The following GNG12 variants were observed in gnomAD, a reference collection of about 807,000 sequenced individuals.
GNG12 encodes guanine nucleotide-binding protein G(I)/G(S)/G(O) subunit gamma-12.
For synonymous variants in GNG12, 28 were observed against 29.7 expected (o/e 0.94, Z 0.19); for missense variants, 69 against 83.8 (o/e 0.82, Z 0.69).
intron 1 of GNG12, among the ~76,000 whole-genome samples, chr1:67,777,714 T>C (rs1949133): frequency 0.72 from 109,850 of 152,128 alleles, 40,187 homozygotes; most frequent in African/African-American, 0.84. Context: ...TCATCTACTT[T>C]GGGGAGTGTT....
chr1:67,812,868 G>A (rs543195309), intron 1 of GNG12, among the ~76,000 whole-genome samples: 31 of 152,296 alleles, frequency 2.0e-4, no homozygotes, highest in East Asian at 7.7e-4. Flanking sequence ...ATTGCAGAAC[G>A]TTTTGCACAG....
chr1:67,758,650 T>C (rs551301565), intron 2 of GNG12, among the ~76,000 whole-genome samples: 1 of 152,202 alleles, frequency 6.6e-6, no homozygotes, highest in African/African-American at 2.4e-5. Context: ...AAAGATGAGG[T>C]TGGATACAAC....
rs1159136735 is a variant in GNG12 at position 67,719,462 on chromosome 1, T to A, written c.-26-11750A>T. ...ATGCAAAATCTGGTGTGTGTGCTTA[T>A]GTTTTGCTTTTTTTTGTTTTCCGAA... is the stretch of plus-strand genomic sequence containing the variant. On this transcript the variant is annotated intron_variant, in intron 2 of 3. Transcript: ENST00000370982. Among the ~76,000 whole-genome samples the A allele has an allele frequency of 2.6e-5, 4 of 152,216 alleles. No individual in the cohort carries two copies. The South Asian group carries it at 8.3e-4, about 32-fold the overall frequency.
chr1:67,733,419 T>C (rs563024960), intron 2 of GNG12, among the ~76,000 whole-genome samples: 7 of 152,324 alleles, frequency 4.6e-5, no homozygotes, highest in African/African-American at 1.7e-4. Flanking sequence ...CCTTTGCAAA[T>C]ATACAATCAT....
chr1:67,814,051 C>A (rs1193773894), intron 1 of GNG12, among the ~76,000 whole-genome samples: 2 of 152,132 alleles, frequency 1.3e-5, no homozygotes, highest in Non-Finnish European at 2.9e-5. Flanking sequence ...GGGATTTAAA[C>A]CCTGCCAGTC....
chr1:67,776,857 C>T (rs114658728), intron 2 of GNG12, among the ~76,000 whole-genome samples: 114 of 152,272 alleles, frequency 7.5e-4, no homozygotes, highest in African/African-American at 2.5e-3. Flanking sequence ...ATAACTGATA[C>T]ACACTGCAAA....
At chr1:67,817,563 C>T (rs1256212278) in intron 1 of GNG12, among the ~76,000 whole-genome samples, 2 of 141,398 alleles carry the variant, frequency 1.4e-5, no homozygotes, top group African/African-American at 2.5e-5. Flanking sequence ...CTGGCTCAGG[C>T]ATAGCCCGGC....
At chr1:67,781,761 G>T (rs564004692) in intron 1 of GNG12, among the ~76,000 whole-genome samples, 48 of 152,246 alleles carry the variant, frequency 3.2e-4, no homozygotes, top group Non-Finnish European at 5.7e-4. Context: ...ATTAAGACTT[G>T]CTGATGAAGT....
intron 1 of GNG12, among the ~76,000 whole-genome samples, chr1:67,792,378 G>A (rs185332690): frequency 1.1e-4 from 16 of 152,208 alleles, no homozygotes; most frequent in African/African-American, 2.9e-4. Context: ...TCTGATGTTC[G>A]TATTATAAAA....
At chr1:67,821,723 AAACT>A (rs1460999018) in intron 1 of GNG12, among the ~76,000 whole-genome samples, 3 of 152,162 alleles carry the variant, frequency 2.0e-5, no homozygotes, top group African/African-American at 7.2e-5. Context: ...GGCCATAGAA[AAACT>A]AACACACTCT....
intron 3 of GNG12, among the ~76,000 whole-genome samples, chr1:67,706,026 G>C (rs1052613330): frequency 1.3e-5 from 2 of 152,224 alleles, no homozygotes; most frequent in East Asian, 1.9e-4. Context: ...AACTTTCAAG[G>C]GTTTAAAGAA....
At chr1:67,755,891 G>A (rs1236985586) in intron 2 of GNG12, among the ~76,000 whole-genome samples, 4 of 152,122 alleles carry the variant, frequency 2.6e-5, no homozygotes, top group Admixed American at 2.6e-4. Flanking sequence ...GGTTTTGTTT[G>A]TTTATATGAC....
chr1:67,715,319 C>T (rs978969136), intron 2 of GNG12, among the ~76,000 whole-genome samples: 2 of 152,182 alleles, frequency 1.3e-5, no homozygotes, highest in African/African-American at 4.8e-5. Flanking sequence ...TGAGAAAATT[C>T]ATTTCTGTTG....
chr1:67,704,559 G>A lies in GNG12; in HGVS notation c.*892C>T, dbSNP rs1407815449. The A allele has an allele frequency of 2.0e-5, 3 of 152,636 alleles. No individual in the cohort carries two copies. The highest frequency in any genetic ancestry group is 7.2e-5 in the African/African-American group (3 of 41,444). The allele number at this position is 152,636 out of a possible 1,614,324, so 9.5% of individuals were successfully genotyped here. On this transcript the variant is annotated 3_prime_UTR_variant, in exon 4 of 4. Transcript: ENST00000370982. ...GTTTCATTCCAATCATCAGGGTGGA[G>A]ATTTCAGAGGTGCCTATCCCTAATC...
intron 2 of GNG12, among the ~76,000 whole-genome samples, chr1:67,720,390 A>G (rs1432939775): frequency 6.6e-6 from 1 of 152,230 alleles, no homozygotes; most frequent in East Asian, 1.9e-4. Flanking sequence ...ATGTGTTTAC[A>G]GTCAACACTA....
chr1:67,760,799 C>T (rs506290), intron 2 of GNG12, among the ~76,000 whole-genome samples: 13,765 of 152,184 alleles, frequency 0.09, 800 homozygotes, highest in African/African-American at 0.15. Context: ...AAGGAGGACA[C>T]GTCTCGATCC....
intron 1 of GNG12, among the ~76,000 whole-genome samples, chr1:67,805,694 A>G (rs1025681941): frequency 5.9e-5 from 9 of 152,144 alleles, no homozygotes; most frequent in Admixed American, 5.9e-4. Flanking sequence ...ACATGTAACA[A>G]GAATGCTAGA....
chr1:67,827,817 C>T (rs1371876759), intron 1 of GNG12, among the ~76,000 whole-genome samples: 9 of 152,202 alleles, frequency 5.9e-5, no homozygotes, highest in Admixed American at 5.9e-4. Context: ...GGTAACCAGA[C>T]ACTTCACAAC....
intron 2 of GNG12, among the ~76,000 whole-genome samples, chr1:67,759,253 G>A (rs934300745): frequency 6.6e-6 from 1 of 152,242 alleles, no homozygotes; most frequent in Admixed American, 6.5e-5. Flanking sequence ...AGGCCAGAGG[G>A]CATGTGGCTT....
Sources: gnomAD v4.1 joint callset for allele counts (sites outside exome capture counted in the v4.1 genomes callset) on GRCh38, gnomAD v4.1.1 for gene constraint, MANE v1.5 for transcripts, NCBI Gene and HGNC (gene_info 2026-07-23, HGNC 2026-07-21) for gene names.